The following DNAJC7 variants were observed in gnomAD, a reference collection of about 807,000 sequenced individuals.
DNAJC7 encodes dnaJ homolog subfamily C member 7.
A neutral mutation model predicts 67.4 loss-of-function variants in DNAJC7; 18 were observed. The ratio of observed to expected loss-of-function variants is 0.27; its 90% CI spans 0.18 to 0.40. The LOEUF is 0.40. DNAJC7 is among the 10% of genes least tolerant of loss of function. The probability of loss-of-function intolerance (pLI) is 1.00; values close to 1 mark genes in which losing one functional copy is unlikely to be tolerated. For missense variants in DNAJC7, 419 were observed against 613.8 expected, an observed-to-expected ratio of 0.68 and a Z score of 3.35; for synonymous variants, 220 against 207.8, an observed-to-expected ratio of 1.06 and a Z score of -0.50.
chr17:42,010,154 G>A (rs2052077725), intron 1 of DNAJC7, among the ~76,000 whole-genome samples: 1 of 149,396 alleles, frequency 6.7e-6, no homozygotes, highest in Non-Finnish European at 1.5e-5. Context: ...AAGAAAGAAA[G>A]AAAGAAAGAG....
intron 12 of DNAJC7, among the ~76,000 whole-genome samples, chr17:41,978,354 GC>G: frequency 6.6e-6 from 1 of 152,294 alleles, no homozygotes; most frequent in East Asian, 1.9e-4. Flanking sequence ...CCCCGAGTCA[GC>G]TATGCCTGTC....
At chr17:42,006,802 A>T (rs2051973262) in intron 1 of DNAJC7, among the ~76,000 whole-genome samples, 1 of 130,312 alleles carries the variant, frequency 7.7e-6, no homozygotes, top group Non-Finnish European at 1.6e-5. Context: ...GTCTCAAAAA[A>T]AAAAAAAAAA....
intron 4 of DNAJC7, among the ~76,000 whole-genome samples, chr17:41,995,725 T>G (rs2051638756): frequency 1.3e-5 from 2 of 152,266 alleles, no homozygotes; most frequent in Admixed American, 1.3e-4. Flanking sequence ...TGCCTGTCAT[T>G]AAGCGACACA....
chr17:42,006,701 G>A (rs2051967082), intron 1 of DNAJC7, among the ~76,000 whole-genome samples: 1 of 140,842 alleles, frequency 7.1e-6, no homozygotes, highest in East Asian at 2.2e-4. Flanking sequence ...GGACGCTGAT[G>A]CAGGAGAATC....
intron 7 of DNAJC7, 74 bp from the exon 8 acceptor site, chr17:41,988,970 C>A: frequency 6.5e-7 from 1 of 1,545,096 alleles, no homozygotes; most frequent in Admixed American, 2.1e-5. Context: ...AGGCCAGACT[C>A]TATTTTCAAG....
intron 1 of DNAJC7, chr17:42,016,484 G>A (rs1407101267): frequency 3.3e-5 from 5 of 152,192 alleles, no homozygotes; most frequent in African/African-American, 1.2e-4. Flanking sequence ...TTCTGCTTTA[G>A]GATTAGAACA....
chr17:41,995,361 G>A (rs188828483), intron 4 of DNAJC7, among the ~76,000 whole-genome samples: 45 of 152,276 alleles, frequency 3.0e-4, no homozygotes, highest in Middle Eastern at 3.4e-3. Context: ...TGATATACAT[G>A]AAATAAAGGC....
intron 9 of DNAJC7, among the ~76,000 whole-genome samples, chr17:41,986,973 G>A (rs1351606661): frequency 6.6e-6 from 1 of 152,124 alleles, no homozygotes; most frequent in Non-Finnish European, 1.5e-5. Context: ...AGTGGAGCAG[G>A]TGCTGGAGGA....
intron 5 of DNAJC7, among the ~76,000 whole-genome samples, chr17:41,994,309 C>G (rs1213961641): frequency 6.6e-6 from 1 of 151,900 alleles, no homozygotes; most frequent in Non-Finnish European, 1.5e-5. Context: ...GTACTCCAGC[C>G]TGGGTGACAG....
rs187899692 is a variant in DNAJC7, at chr17:42,001,392, T to A, written c.78-822A>T. ...CTGTGCCATTAGACAAAGTATACTT[T>A]CCTAAACTTTGTCCTAAAGGAACAA... On this transcript the variant is annotated intron_variant, in intron 1 of 13. Transcript: ENST00000457167. Among the ~76,000 whole-genome samples, 513 of 152,332 alleles carry A rather than the reference T, an allele frequency of 3.4e-3. 1 individual carries two copies. Among genetic ancestry groups the A allele is most frequent in the Non-Finnish European group, 5.4e-3 (367 of 68,032 alleles).
At chr17:41,991,670 T>G (rs1555647804) in intron 5 of DNAJC7, among the ~76,000 whole-genome samples, 3 of 152,296 alleles carry the variant, frequency 2.0e-5, no homozygotes, top group African/African-American at 7.2e-5. Context: ...TTTTTCATAC[T>G]TTCTAACTTT....
intron 2 of DNAJC7, among the ~76,000 whole-genome samples, chr17:41,997,972 C>T (rs890603092): frequency 6.6e-6 from 1 of 152,198 alleles, no homozygotes; most frequent in Non-Finnish European, 1.5e-5. Flanking sequence ...AAACCATCTT[C>T]CTACCTCAGC....
In DNAJC7 at chr17:41,977,251, G is replaced by GC. The variant is rs2051111480; in HGVS notation, c.1447+9dup. The GC allele has an allele frequency of 1.2e-5, 19 of 1,576,692 alleles. No individual in the cohort carries two copies. The highest frequency in any genetic ancestry group is 9.4e-5 in the African/African-American group (7 of 74,094). On this transcript the variant is annotated intron_variant, in intron 13 of 13. Transcript: ENST00000457167. ...ATCTGGGAACTCCCAAGAACAGCAG[G>GC]CCCACCTACCTTCAAAGCTGAAGCC...
intron 12 of DNAJC7, among the ~76,000 whole-genome samples, chr17:41,979,414 G>A (rs904399844): frequency 3.3e-5 from 5 of 152,006 alleles, no homozygotes; most frequent in Admixed American, 6.6e-5. Context: ...GCTCACGCCT[G>A]TAATCCCAGC....
chr17:42,010,776 A>G (rs2143344872), intron 1 of DNAJC7, among the ~76,000 whole-genome samples: 1 of 152,310 alleles, frequency 6.6e-6, no homozygotes, highest in South Asian at 2.1e-4. Flanking sequence ...AACACTGCTT[A>G]TCTGACAATC....
chr17:41,998,599 G>GCAGCT (rs1165048658), intron 2 of DNAJC7, among the ~76,000 whole-genome samples: 1 of 152,194 alleles, frequency 6.6e-6, no homozygotes, highest in Non-Finnish European at 1.5e-5. Context: ...GAGGAGAGAG[G>GCAGCT]CAGCTTATTA....
chr17:41,978,703 AT>A (rs1291091883), intron 12 of DNAJC7, among the ~76,000 whole-genome samples: 6 of 151,794 alleles, frequency 4.0e-5, no homozygotes, highest in African/African-American at 1.5e-4. Context: ...ACTAAAAAAA[AT>A]AAAAATAAAA....
intron 5 of DNAJC7, among the ~76,000 whole-genome samples, chr17:41,992,235 T>C (rs2051527867): frequency 6.6e-6 from 1 of 152,090 alleles, no homozygotes; most frequent in South Asian, 2.1e-4. Context: ...TGCAATGGCA[T>C]GATCTTGGCT....
chr17:41,986,653 A>G (rs1485110203), intron 9 of DNAJC7, among the ~76,000 whole-genome samples: 4 of 151,448 alleles, frequency 2.6e-5, no homozygotes, highest in Admixed American at 2.6e-4. Flanking sequence ...TTTGTCTTCC[A>G]AAGCTTCTGC....
Sources: allele counts gnomAD v4.1 joint callset (sites outside exome capture counted in the v4.1 genomes callset), GRCh38; gene constraint gnomAD v4.1.1; transcripts MANE v1.5; gene names NCBI Gene and HGNC (gene_info 2026-07-23, HGNC 2026-07-21).